The following MTF1 variants were observed in gnomAD, a reference collection of about 807,000 sequenced individuals.
MTF1 encodes the protein metal regulatory transcription factor 1.
In MTF1, 22 loss-of-function variants were observed where a neutral mutation model predicts 70.4. The ratio of observed to expected loss-of-function variants is 0.31; its 90% CI spans 0.22 to 0.45. The LOEUF is 0.45. Ranked by LOEUF, MTF1 falls within the 20% of genes least tolerant of loss-of-function variation. MTF1 has a pLI of 1.00. For synonymous variants in MTF1, 333 were observed against 352.8 expected (o/e 0.94, Z 0.63); for missense variants, 649 against 922.0 (o/e 0.70, Z 3.83).
intron 10 of MTF1, among the ~76,000 whole-genome samples, chr1:37,816,165 T>C (rs1191788211): frequency 6.6e-6 from 1 of 152,196 alleles, no homozygotes; most frequent in East Asian, 1.9e-4. Flanking sequence ...TACTCATCTC[T>C]CTTTCTCTCA....
At chr1:37,836,837 T>A (rs898268401) in intron 4 of MTF1, among the ~76,000 whole-genome samples, 13 of 151,586 alleles carry the variant, frequency 8.6e-5, no homozygotes, top group African/African-American at 2.9e-4. Context: ...TCATCATGTC[T>A]AAAGTCTCAT....
chr1:37,841,835 C>A (rs180896769), intron 2 of MTF1, among the ~76,000 whole-genome samples: 57 of 152,206 alleles, frequency 3.7e-4, no homozygotes, highest in African/African-American at 1.3e-3. Flanking sequence ...TTTGAGACAA[C>A]CTGGGCAACA....
intron 7 of MTF1, among the ~76,000 whole-genome samples, chr1:37,829,796 A>AC (rs933115201): frequency 7.2e-5 from 11 of 152,216 alleles, no homozygotes; most frequent in Non-Finnish European, 1.6e-4. Flanking sequence ...AAAAAAAAAA[A>AC]AGAAAAAAGA....
chr1:37,848,578 G>A (rs1005757939), intron 2 of MTF1, among the ~76,000 whole-genome samples: 5 of 152,114 alleles, frequency 3.3e-5, no homozygotes, highest in Non-Finnish European at 5.9e-5. Flanking sequence ...AATGTAAATC[G>A]AGACCTATAA....
At position 37,832,342 on chromosome 1, in the gene MTF1, C is replaced by A. The variant is rs750510746; in HGVS notation, c.991-20G>T. ...TGTATCCTGTGAAAGAGAAAAAATT[C>A]TAATTGAGTAACAAAAATCAGGATT... On this transcript the variant is annotated intron_variant, in intron 6 of 10. Coordinates refer to ENST00000373036, the MANE Select transcript of MTF1 (RefSeq NM_005955.3). The A allele has an allele frequency of 1.3e-6, 2 of 1,543,042 alleles. No individual in the cohort carries two copies.
intron 7 of MTF1, among the ~76,000 whole-genome samples, chr1:37,827,187 CCT>C (rs1478953733): frequency 6.6e-6 from 1 of 151,996 alleles, no homozygotes; most frequent in South Asian, 2.1e-4. Context: ...TGTGCAATGT[CCT>C]CTGATTTTTT....
intron 9 of MTF1, among the ~76,000 whole-genome samples, chr1:37,820,712 T>C (rs910913181): frequency 3.3e-5 from 5 of 152,180 alleles, no homozygotes; most frequent in Admixed American, 1.3e-4. Context: ...ACATTATGCA[T>C]TTGTCAAAAC....
chr1:37,832,394 A>G, intron 6 of MTF1, 72 bp from the exon 7 acceptor site: 1 of 963,616 alleles, frequency 1.0e-6, no homozygotes, highest in South Asian at 1.4e-5. Context: ...GTAACAAAAC[A>G]TTTGATTACA....
intron 4 of MTF1, among the ~76,000 whole-genome samples, chr1:37,837,290 C>G (rs1641184874): frequency 6.6e-6 from 1 of 152,086 alleles, no homozygotes. Context: ...CTCCTGGGCT[C>G]AAGTGATCCT....
chr1:37,832,640 C>A (rs929040229), intron 6 of MTF1, among the ~76,000 whole-genome samples: 3 of 152,106 alleles, frequency 2.0e-5, no homozygotes, highest in Non-Finnish European at 4.4e-5. Context: ...TGCCCCACCC[C>A]GTGAATTAGT....
intron 2 of MTF1, among the ~76,000 whole-genome samples, chr1:37,851,261 A>G (rs1418169104): frequency 6.6e-6 from 1 of 152,228 alleles, no homozygotes; most frequent in Non-Finnish European, 1.5e-5. Context: ...CATGGATAGC[A>G]TGGAAAAATG....
chr1:37,850,566 AAG>A (rs59048233), intron 2 of MTF1, among the ~76,000 whole-genome samples: 239 of 145,590 alleles, frequency 1.6e-3, no homozygotes, highest in East Asian at 4.0e-3. Flanking sequence ...GGGAGAGAGA[AAG>A]AGAGAGAGAG....
chr1:37,822,272 C>A lies in MTF1; in HGVS notation c.1616G>T (p.Gly539Val), dbSNP rs2148402212. The A allele has an allele frequency of 6.2e-7, 1 of 1,614,096 alleles. No individual in the cohort carries two copies. The highest frequency in any genetic ancestry group is 8.5e-7 in the Non-Finnish European group (1 of 1,180,012). ...LPAMVQTLPL[G>V]ANSVLTNNPT... is the part of the protein sequence containing the mutation. ...ATTATTAGTTAGGACAGAGTTGGCA[C>A]CCAGGGGCAGAGTCTGGACCATGGC... Residue 539 changes from glycine to valine, a missense_variant, in exon 9 of 11, where the codon GGT (glycine) becomes GTT (valine). Transcript: ENST00000373036.
intron 2 of MTF1, among the ~76,000 whole-genome samples, chr1:37,848,462 T>G: frequency 6.6e-6 from 1 of 152,212 alleles, no homozygotes; most frequent in Admixed American, 6.5e-5. Flanking sequence ...AAGAAACAAG[T>G]AAGCCTGATT....
chr1:37,859,228 G>A (rs917187260), intron 1 of MTF1, among the ~76,000 whole-genome samples: 2 of 152,236 alleles, frequency 1.3e-5, no homozygotes, highest in African/African-American at 2.4e-5. Flanking sequence ...AGTGCGAACA[G>A]AGCCCCCTTG....
chr1:37,834,602 A>G, intron 6 of MTF1: 1 of 456,238 alleles, frequency 2.2e-6, no homozygotes, highest in Non-Finnish European at 4.4e-6. Context: ...AGTGGACAGA[A>G]GAGGGGGAAA....
intron 7 of MTF1, among the ~76,000 whole-genome samples, chr1:37,831,219 A>T (rs1465831705): frequency 6.6e-6 from 1 of 152,180 alleles, no homozygotes; most frequent in Non-Finnish European, 1.5e-5. Flanking sequence ...TTGGTCTCAT[A>T]AGAGCAACTC....
At position 37,815,346 on chromosome 1, in the gene MTF1, G is replaced by A. The variant is rs374178380; in HGVS notation, c.2052C>T (p.Pro684=). ...AGGGCAAGGTAGAGGATGATGACCC[G>A]GGAACAGGGGCTGAAGAGAAAGTCT... is the stretch of plus-strand genomic sequence containing the variant. The part of the protein sequence containing the change: ...PAQTFSSAPV[P]GSSSSTLPSS... Residue 684 remains proline, a synonymous_variant, in exon 11 of 11, where the codon CCC becomes CCT. Coordinates refer to ENST00000373036, the MANE Select transcript of MTF1 (RefSeq NM_005955.3). The surrounding 1 kb of genome is among the most constrained non-coding windows in gnomAD (Gnocchi z 4.5). The A allele has an allele frequency of 1.4e-5, 23 of 1,613,982 alleles. No individual in the cohort carries two copies. Among genetic ancestry groups the A allele is most frequent in the East Asian group, 2.2e-5 (1 of 44,882 alleles).
At chr1:37,845,662 G>A (rs930086104) in intron 2 of MTF1, among the ~76,000 whole-genome samples, 1 of 152,042 alleles carries the variant, frequency 6.6e-6, no homozygotes, top group Non-Finnish European at 1.5e-5. Context: ...GTACCACCAC[G>A]CCTGGCTAAT....
Sources: allele counts gnomAD v4.1 joint callset (sites outside exome capture counted in the v4.1 genomes callset), GRCh38; gene constraint gnomAD v4.1.1; non-coding constraint Gnocchi (gnomAD v3.1); transcripts MANE v1.5; gene names NCBI Gene and HGNC (gene_info 2026-07-23, HGNC 2026-07-21).